PIK3C2G: variants seen among roughly 807,000 people sequenced by gnomAD.
PIK3C2G encodes phosphatidylinositol 3-kinase C2 domain-containing subunit gamma.
Under a neutral mutation model 181.1 loss-of-function variants are expected in PIK3C2G, and 168 were observed. The ratio of observed to expected loss-of-function variants is 0.93; its 90% CI spans 0.82 to 1.05. The LOEUF (loss-of-function observed/expected upper bound fraction) is 1.05, where lower values mean the gene tolerates loss of function less well. PIK3C2G is among the 50% of genes least tolerant of loss of function. The pLI is 0.00. For missense variants in PIK3C2G, 1,869 were observed against 1,732.8 expected, an observed-to-expected ratio of 1.08 and a Z score of -1.40; for synonymous variants, 573 against 592.2, an observed-to-expected ratio of 0.97 and a Z score of 0.47.
chr12:18,496,367 C>T (rs767541552), intron 21 of PIK3C2G, among the ~76,000 whole-genome samples: 3 of 152,042 alleles, frequency 2.0e-5, no homozygotes, highest in Non-Finnish European at 4.4e-5. Flanking sequence ...AGCCAGGGAG[C>T]CTTCAGTGCA....
In PIK3C2G at chr12:18,346,838, T is replaced by C. The variant is rs781310857; in HGVS notation, c.1625+2T>C. The C allele has an allele frequency of 6.3e-7, 1 of 1,580,262 alleles. No individual in the cohort carries two copies. Among genetic ancestry groups the C allele is most frequent in the South Asian group, 1.1e-5 (1 of 86,960 alleles). On this transcript the variant is annotated splice_donor_variant, in intron 11 of 32. Coordinates refer to ENST00000538779, the MANE Select transcript of PIK3C2G (RefSeq NM_001288772.2). LOFTEE classifies it high-confidence loss of function. ...CATTCCAGAAACCTGGGTGCACAGG[T>C]GAGTGGTGGTGAGTTTTTCACAAAA...
intron 13 of PIK3C2G, among the ~76,000 whole-genome samples, chr12:18,371,697 G>C (rs1415248362): frequency 6.6e-6 from 1 of 152,122 alleles, no homozygotes; most frequent in South Asian, 2.1e-4. Flanking sequence ...AAGGTAACTG[G>C]CTTACTGACC....
At chr12:18,411,353 C>T (rs1157946494) in intron 16 of PIK3C2G, among the ~76,000 whole-genome samples, 1 of 151,980 alleles carries the variant, frequency 6.6e-6, no homozygotes. Context: ...GCTTATACTC[C>T]GAGTTTGAGT....
chr12:18,551,168 ACT>A (rs975554940), intron 26 of PIK3C2G, among the ~76,000 whole-genome samples: 1 of 151,964 alleles, frequency 6.6e-6, no homozygotes, highest in Admixed American at 6.6e-5. Flanking sequence ...TGTTTCCCTT[ACT>A]CTCTTTCACT....
chr12:18,344,526 A>T (rs943571818), intron 10 of PIK3C2G, among the ~76,000 whole-genome samples: 1 of 152,096 alleles, frequency 6.6e-6, no homozygotes, highest in African/African-American at 2.4e-5. Flanking sequence ...AAGTGGTCGT[A>T]TGTGGAGTGA....
At chr12:18,552,356 T>C (rs79616786) in intron 26 of PIK3C2G, among the ~76,000 whole-genome samples, 6,837 of 152,250 alleles carry the variant, frequency 0.045, 347 homozygotes, top group African/African-American at 0.13. Context: ...AGAAATAGCA[T>C]GAGATGGAAA....
chr12:18,593,953 T>C (rs1473094565), intron 29 of PIK3C2G, among the ~76,000 whole-genome samples: 1 of 151,888 alleles, frequency 6.6e-6, no homozygotes, highest in Non-Finnish European at 1.5e-5. Context: ...AAACAGATTA[T>C]ATTACTTTAA....
In PIK3C2G at chr12:18,282,431, C is replaced by A. The variant is rs768734704; in HGVS notation, c.350C>A (p.Pro117His). The stretch of plus-strand genomic sequence containing the variant: ...TTTAGTCCTTCTGTGTTACCAAAAC[C>A]TCAAAATACGAATAAAGAATGCTCC... The part of the protein sequence containing the change: ...IGFSPSVLPK[P>H]QNTNKECSWG... The change falls in exon 2 of 33, where the codon CCT (proline) becomes CAT (histidine). Residue 117 changes from proline to histidine, a missense_variant. Coordinates refer to ENST00000538779, the MANE Select transcript of PIK3C2G (RefSeq NM_001288772.2). The A allele has an allele frequency of 6.2e-7, 1 of 1,612,236 alleles. No homozygotes were observed. Among genetic ancestry groups the A allele is most frequent in the East Asian group, 2.2e-5 (1 of 44,838 alleles).
chr12:18,692,297 A>G, the PIK3C2G span, among the ~76,000 whole-genome samples: 3 of 152,194 alleles, frequency 2.0e-5, no homozygotes, highest in Admixed American at 1.3e-4. Context: ...TAGCCACTCT[A>G]TTGATTTGCA....
At chr12:18,641,964 G>A (rs1949865000) in intron 32 of PIK3C2G, among the ~76,000 whole-genome samples, 2 of 152,068 alleles carry the variant, frequency 1.3e-5, no homozygotes, top group Admixed American at 1.3e-4. Context: ...TGGTCAGGCT[G>A]GTCTCAAACT....
chr12:18,533,164 T>C (rs954953172), intron 24 of PIK3C2G, among the ~76,000 whole-genome samples: 1 of 152,118 alleles, frequency 6.6e-6, no homozygotes, highest in Non-Finnish European at 1.5e-5. Flanking sequence ...CTACTTCATC[T>C]TCCCAGAATC....
chr12:18,625,447 C>T (rs902619051), intron 31 of PIK3C2G, among the ~76,000 whole-genome samples: 1 of 151,730 alleles, frequency 6.6e-6, no homozygotes, highest in African/African-American at 2.4e-5. Context: ...AACATATGAT[C>T]TGTCCTGAAG....
Position 18,423,943 on chromosome 12 carries a change from A to T in PIK3C2G, c.2410-2A>T. On this transcript the variant is annotated splice_acceptor_variant, in intron 17 of 32. Coordinates refer to ENST00000538779, the MANE Select transcript of PIK3C2G (RefSeq NM_001288772.2). LOFTEE classifies it high-confidence loss of function. ...GTAAAGTAATTGTGTCTCTTACTTC[A>T]GGCTGTCAAGTTTGAATGGAACCTT... is the stretch of plus-strand genomic sequence containing the variant. 6.3e-7 allele frequency: 1 copy of T among 1,594,366 alleles called. No individual in the cohort carries two copies. Among genetic ancestry groups the T allele is most frequent in the Non-Finnish European group, 8.6e-7 (1 of 1,164,388 alleles).
chr12:18,500,250 G>A (rs901848903), intron 22 of PIK3C2G, among the ~76,000 whole-genome samples: 2 of 151,900 alleles, frequency 1.3e-5, no homozygotes, highest in Admixed American at 6.5e-5. Flanking sequence ...GCGGCCGGCC[G>A]GCCCTGCCGG....
At chr12:18,348,309 TA>T (rs1565623261) in intron 11 of PIK3C2G, among the ~76,000 whole-genome samples, 1 of 151,910 alleles carries the variant, frequency 6.6e-6, no homozygotes, top group South Asian at 2.1e-4. Flanking sequence ...CATATGAATA[TA>T]AAAAAGTGTG....
rs543757692 is a variant in PIK3C2G, at chr12:18,458,818, A to C, written c.2505-29631A>C. 2.7e-5 allele frequency among the ~76,000 whole-genome samples: 4 copies of C among 150,402 alleles called. No homozygotes were observed. The South Asian group carries it at 8.7e-4, about 33-fold the overall frequency. On this transcript the variant is annotated intron_variant, in intron 18 of 32. Transcript: ENST00000538779. The stretch of plus-strand genomic sequence containing the variant: ...TGCAGCAAGCATGACGATGGCTTCT[A>C]GTTGCTGAAAGTGGCCCCTGGCTGA...
chr12:18,596,457 T>C (rs759506731), intron 30 of PIK3C2G, among the ~76,000 whole-genome samples: 2 of 152,098 alleles, frequency 1.3e-5, no homozygotes, highest in Admixed American at 1.3e-4. Flanking sequence ...AAAATTAATA[T>C]AGCCCACATA....
chr12:18,644,138 T>C (rs955135960), intron 32 of PIK3C2G, among the ~76,000 whole-genome samples: 5 of 152,136 alleles, frequency 3.3e-5, no homozygotes, highest in African/African-American at 1.2e-4. Context: ...CAAGCTTGTC[T>C]ATTTGACACT....
chr12:18,382,445 T>A (rs1942904290), intron 14 of PIK3C2G, among the ~76,000 whole-genome samples: 1 of 152,198 alleles, frequency 6.6e-6, no homozygotes, highest in Admixed American at 6.5e-5. Context: ...CCTTATGGGT[T>A]CCTGATTGTA....
Sources: allele counts gnomAD v4.1 joint callset (sites outside exome capture counted in the v4.1 genomes callset), GRCh38; gene constraint gnomAD v4.1.1; transcripts MANE v1.5; gene names NCBI Gene and HGNC (gene_info 2026-07-23, HGNC 2026-07-21).